The following ASXL3 variants were observed in gnomAD, a reference collection of about 807,000 sequenced individuals.
ASXL3 encodes putative Polycomb group protein ASXL3.
Under a neutral mutation model 170.6 loss-of-function variants are expected in ASXL3, and 34 were observed. The ratio of observed to expected loss-of-function variants is 0.20; its 90% CI spans 0.15 to 0.27. The LOEUF (loss-of-function observed/expected upper bound fraction) is 0.27. ASXL3 is among the 10% of genes least tolerant of loss of function. The pLI is 1.00. For synonymous variants in ASXL3, 1,002 were observed against 989.1 expected, an observed-to-expected ratio of 1.01 and a Z score of -0.24; for missense variants, 2,592 against 2,695.3, an observed-to-expected ratio of 0.96 and a Z score of 0.85.
At chr18:33,606,102 C>T (rs532173302) in intron 1 of ASXL3, among the ~76,000 whole-genome samples, 1 of 151,958 alleles carries the variant, frequency 6.6e-6, no homozygotes, top group South Asian at 2.1e-4. Flanking sequence ...TCTACTCTTT[C>T]CTTCTTTACA....
At chr18:33,647,981 A>G (rs1283933014) in intron 4 of ASXL3, among the ~76,000 whole-genome samples, 1 of 151,996 alleles carries the variant, frequency 6.6e-6, no homozygotes, top group Non-Finnish European at 1.5e-5. Flanking sequence ...TTGAGGCAGG[A>G]GAGTGCCTGG....
At chr18:33,622,613 G>A (rs2065532536) in intron 2 of ASXL3, among the ~76,000 whole-genome samples, 1 of 152,124 alleles carries the variant, frequency 6.6e-6, no homozygotes, top group African/African-American at 2.4e-5. Context: ...TGAGATAGCT[G>A]TGTTACCCCA....
At chr18:33,582,976 A>G (rs1301581353) in intron 1 of ASXL3, among the ~76,000 whole-genome samples, 1 of 152,174 alleles carries the variant, frequency 6.6e-6, no homozygotes, top group African/African-American at 2.4e-5. Flanking sequence ...CATTCTAAAT[A>G]AACTGTTAGG....
At chr18:33,629,437 G>A (rs1350937624) in intron 2 of ASXL3, among the ~76,000 whole-genome samples, 2 of 152,082 alleles carry the variant, frequency 1.3e-5, no homozygotes, top group African/African-American at 4.8e-5. Flanking sequence ...ATTGAAAAAT[G>A]AAGGGAAACA....
At chr18:33,637,890 T>A (rs1204877543) in intron 2 of ASXL3, among the ~76,000 whole-genome samples, 2 of 152,180 alleles carry the variant, frequency 1.3e-5, no homozygotes, top group African/African-American at 4.8e-5. Context: ...CTGAGTCCCC[T>A]GTCATTTCAT....
rs1007641025 is a variant in ASXL3 at position 33,745,391 on chromosome 18, T to G, written c.5543T>G (p.Leu1848Trp). 8 of 1,613,852 alleles carry G rather than the reference T, an allele frequency of 5.0e-6. No homozygotes were observed. The highest frequency in any genetic ancestry group is 1.1e-5 in the South Asian group (1 of 91,064). The change falls in exon 12 of 12, where the codon TTG becomes TGG. Residue 1848 changes from leucine to tryptophan, a missense_variant. Coordinates refer to ENST00000269197, the MANE Select transcript of ASXL3 (RefSeq NM_030632.3). ...CAAGTTAAATGTGAACCAGGAAAAT[T>G]GTTGGTGGAGCCAGATGTTAAAGGG... Reference protein sequence around the residue: ...HTQVKCEPGKLLVEPDVKGVP... With the variant: ...HTQVKCEPGKWLVEPDVKGVP...
intron 2 of ASXL3, among the ~76,000 whole-genome samples, chr18:33,621,782 A>G (rs958752412): frequency 6.6e-6 from 1 of 152,110 alleles, no homozygotes. Context: ...TAACTATGGG[A>G]TATGTGAGGC....
rs373018422 is a variant in ASXL3 at position 33,718,522 on chromosome 18, T to G, written c.880-13446T>G. 3.3e-5 allele frequency among the ~76,000 whole-genome samples: 5 copies of G among 152,248 alleles called. No homozygotes were observed. In the East Asian group the frequency reaches 7.7e-4, roughly 24 times the overall value. Reference sequence around the variant, plus strand: ...CTGGGCACAGCTTTGCTGATTCTTCTGCTCTGGATCTTAACATGGTGAAAT... The same window carrying G: ...CTGGGCACAGCTTTGCTGATTCTTCGGCTCTGGATCTTAACATGGTGAAAT... On this transcript the variant is annotated intron_variant, in intron 8 of 11. Coordinates refer to ENST00000269197, the MANE Select transcript of ASXL3 (RefSeq NM_030632.3).
chr18:33,675,509 TTTAAG>T (rs929039954), intron 7 of ASXL3, among the ~76,000 whole-genome samples: 4 of 152,208 alleles, frequency 2.6e-5, no homozygotes, highest in African/African-American at 7.2e-5. Context: ...TCTGTTCTAA[TTTAAG>T]TTAATAACTC....
chr18:33,697,581 A>C (rs2066792825), intron 8 of ASXL3, among the ~76,000 whole-genome samples: 2 of 152,066 alleles, frequency 1.3e-5, no homozygotes, highest in Admixed American at 6.6e-5. Flanking sequence ...AAGGCGTATG[A>C]TTTTCCAATC....
chr18:33,607,784 T>C, intron 2 of ASXL3, 108 bp downstream of exon 2: 2 of 813,674 alleles, frequency 2.5e-6, no homozygotes, highest in Non-Finnish European at 3.9e-6. Context: ...GATTGTGAAT[T>C]AACTCCCCAC....
chr18:33,630,386 C>CTT (rs148544603), intron 2 of ASXL3, among the ~76,000 whole-genome samples: 11 of 148,184 alleles, frequency 7.4e-5, no homozygotes, highest in East Asian at 2.0e-4. Flanking sequence ...AAACCTATGG[C>CTT]TTTTTTTTTT....
In ASXL3 at chr18:33,646,095, G is replaced by A. The variant is rs74514675; in HGVS notation, c.247-150G>A. 537 of 536,442 alleles carry A rather than the reference G, an allele frequency of 1.0e-3. 4 individuals are homozygous for A. The African/African-American group carries it at 0.01, about 10-fold the overall frequency. 33.2% of individuals were successfully genotyped at this position (536,442 alleles called of 1,614,324 possible). A position where few individuals can be genotyped will look rare whatever the true frequency, so the allele number is the denominator to read the frequency against. On this transcript the variant is annotated intron_variant, in intron 3 of 11. Coordinates refer to ENST00000269197, the MANE Select transcript of ASXL3 (RefSeq NM_030632.3). Reference sequence around the variant, plus strand: ...GCTTTACCCAGTTTTTTTTTTTAATGGAAGAATGATTTTACATTAAAAAGT... The same window carrying A: ...GCTTTACCCAGTTTTTTTTTTTAATAGAAGAATGATTTTACATTAAAAAGT...
chr18:33,579,832 G>A (rs928870024), intron 1 of ASXL3, among the ~76,000 whole-genome samples: 8 of 151,896 alleles, frequency 5.3e-5, no homozygotes, highest in African/African-American at 1.7e-4. Context: ...TGGGAGGGGG[G>A]AGCAGGACGT....
Position 33,739,787 on chromosome 18 carries a change from G to A in ASXL3, c.2383G>A (p.Glu795Lys), listed in dbSNP as rs1199526956. The part of the protein sequence containing the change: ...ESSATAKPLG[E>K]NLTSQQKNLS... Reference sequence around the variant, plus strand: ...TTCCGCCACTGCCAAACCTCTGGGAGAGAACCTTACCTCCCAGCAGAAGAA... The same window carrying A: ...TTCCGCCACTGCCAAACCTCTGGGAAAGAACCTTACCTCCCAGCAGAAGAA... The change falls in exon 11 of 12, where the codon GAG becomes AAG. Residue 795 changes from glutamate (E) to lysine (K), a missense_variant. Transcript: ENST00000269197. 5 of 1,613,854 alleles carry A rather than the reference G, an allele frequency of 3.1e-6. No individual in the cohort carries two copies. In the South Asian group the frequency reaches 4.4e-5, roughly 14 times the overall value.
At chr18:33,623,044 T>A (rs1202918620) in intron 2 of ASXL3, among the ~76,000 whole-genome samples, 5 of 152,178 alleles carry the variant, frequency 3.3e-5, no homozygotes, top group Non-Finnish European at 7.4e-5. Flanking sequence ...ACACTCCTTA[T>A]ATTTTAGGTC....
intron 8 of ASXL3, among the ~76,000 whole-genome samples, chr18:33,699,352 C>T (rs1012431533): frequency 2.6e-5 from 4 of 151,664 alleles, no homozygotes; most frequent in Admixed American, 1.3e-4. Context: ...GAAATAGTGA[C>T]AATGAGAAAT....
At position 33,744,544 on chromosome 18, in the gene ASXL3, C is replaced by G; in HGVS notation, c.4696C>G (p.Pro1566Ala). Reference sequence around the variant, plus strand: ...AAGTCTCCGAGAATTACCCCTTGTTCCAGATAAATTAAATGAGCCGACTGC... The same window carrying G: ...AAGTCTCCGAGAATTACCCCTTGTTGCAGATAAATTAAATGAGCCGACTGC... ...CTSLRELPLV[P>A]DKLNEPTAPS... The change falls in exon 12 of 12, where the codon CCA becomes GCA. Residue 1566 changes from proline to alanine, a missense_variant. By Grantham distance (27) the Pro-to-Ala change is conservative (BLOSUM62 -1). Transcript: ENST00000269197. 1 of 1,611,884 alleles carries G rather than the reference C, an allele frequency of 6.2e-7. No individual in the cohort carries two copies. The highest frequency in any genetic ancestry group is 1.7e-5 in the Admixed American group (1 of 59,868).
chr18:33,670,822 G>A, intron 6 of ASXL3, 32 bp downstream of exon 6: 9 of 1,395,832 alleles, frequency 6.4e-6, no homozygotes, highest in Non-Finnish European at 6.8e-6. Context: ...TGCTTGGCCA[G>A]TTTCTTCCTG....
Sources: gnomAD v4.1 joint callset for allele counts (sites outside exome capture counted in the v4.1 genomes callset) on GRCh38, gnomAD v4.1.1 for gene constraint, MANE v1.5 for transcripts, NCBI Gene and HGNC (gene_info 2026-07-23, HGNC 2026-07-21) for gene names.